The following AGBL4 variants were observed in gnomAD, a reference collection of about 807,000 sequenced individuals.
AGBL4 encodes AGBL carboxypeptidase 4, also known as cytosolic carboxypeptidase 6.
A neutral mutation model predicts 66.4 loss-of-function variants in AGBL4; 58 were observed. That is an observed-to-expected ratio of 0.87 (90% CI 0.71 to 1.09). The LOEUF is 1.09. AGBL4 is among the 50% of genes least tolerant of loss of function. The probability of loss-of-function intolerance (pLI) is 0.00; values close to 1 mark genes in which losing one functional copy is unlikely to be tolerated. For synonymous variants in AGBL4, 234 were observed against 222.9 expected, an observed-to-expected ratio of 1.05 and a Z score of -0.44; for missense variants, 579 against 631.0, an observed-to-expected ratio of 0.92 and a Z score of 0.88.
chr1:48,718,684 C>T (rs7521529), intron 6 of AGBL4, among the ~76,000 whole-genome samples: 140,489 of 152,240 alleles, frequency 0.92, 65,841 homozygotes, highest in Non-Finnish European at 1. Flanking sequence ...TGAGGTTTCC[C>T]AACCCTGATT....
At chr1:49,469,000 T>A (rs1438319266) in intron 3 of AGBL4, among the ~76,000 whole-genome samples, 1 of 151,818 alleles carries the variant, frequency 6.6e-6, no homozygotes. Context: ...ACTTAGGTTG[T>A]TTGTCATGGT....
At chr1:49,891,772 A>C (rs2148168379) in intron 1 of AGBL4, among the ~76,000 whole-genome samples, 1 of 152,278 alleles carries the variant, frequency 6.6e-6, no homozygotes, top group South Asian at 2.1e-4. Context: ...AGGAGTTAAC[A>C]ATGCAGACTC....
chr1:48,788,157 GT>G (rs1645453331), intron 6 of AGBL4, among the ~76,000 whole-genome samples: 1 of 152,200 alleles, frequency 6.6e-6, no homozygotes, highest in African/African-American at 2.4e-5. Flanking sequence ...TCCTTATAAG[GT>G]TTTCATGTCT....
chr1:49,632,815 T>C (rs1645596364), intron 3 of AGBL4, among the ~76,000 whole-genome samples: 1 of 126,756 alleles, frequency 7.9e-6, no homozygotes, highest in African/African-American at 3.2e-5. Flanking sequence ...TATTTGCTCA[T>C]CATTGGCCAC....
At chr1:49,051,252 C>A (rs1407349994) in intron 4 of AGBL4, among the ~76,000 whole-genome samples, 1 of 152,126 alleles carries the variant, frequency 6.6e-6, no homozygotes, top group Non-Finnish European at 1.5e-5. Flanking sequence ...AAGGGGATCA[C>A]AAAGTCACTC....
intron 1 of AGBL4, among the ~76,000 whole-genome samples, chr1:49,925,391 C>A (rs773188106): frequency 6.6e-6 from 1 of 152,142 alleles, no homozygotes; most frequent in Non-Finnish European, 1.5e-5. Flanking sequence ...TCAGCAACAA[C>A]CAGGTGGTAC....
At chr1:49,495,298 G>C (rs753586983) in intron 3 of AGBL4, among the ~76,000 whole-genome samples, 6 of 152,104 alleles carry the variant, frequency 3.9e-5, no homozygotes, top group Non-Finnish European at 8.8e-5. Flanking sequence ...GTGGCTCACA[G>C]TGGCCCTGAA....
intron 6 of AGBL4, among the ~76,000 whole-genome samples, chr1:48,747,452 T>G (rs1650946458): frequency 6.6e-6 from 1 of 152,230 alleles, no homozygotes; most frequent in South Asian, 2.1e-4. Context: ...TATCAAGATC[T>G]AGGCTCTGCA....
chr1:49,393,874 T>A (rs546898711), intron 3 of AGBL4, among the ~76,000 whole-genome samples: 1 of 152,306 alleles, frequency 6.6e-6, no homozygotes, highest in South Asian at 2.1e-4. Context: ...ACTTGATTAC[T>A]CACAACAAAA....
At chr1:49,790,087 C>T (rs1027687513) in intron 2 of AGBL4, among the ~76,000 whole-genome samples, 69 of 152,164 alleles carry the variant, frequency 4.5e-4, no homozygotes, top group Admixed American at 9.2e-4. Context: ...GGAAAGGATT[C>T]CCTATTTAAG....
At chr1:49,366,019 G>T (rs544032494) in intron 3 of AGBL4, among the ~76,000 whole-genome samples, 1 of 152,118 alleles carries the variant, frequency 6.6e-6, no homozygotes, top group Non-Finnish European at 1.5e-5. Flanking sequence ...AGATTTTAAG[G>T]ATTCAAGGTC....
intron 1 of AGBL4, among the ~76,000 whole-genome samples, chr1:49,971,403 G>C (rs1339219688): frequency 6.6e-6 from 1 of 152,026 alleles, no homozygotes; most frequent in Non-Finnish European, 1.5e-5. Context: ...ACTTAATAAT[G>C]GTTCCAAAGC....
intron 1 of AGBL4, among the ~76,000 whole-genome samples, chr1:49,934,746 AG>A (rs1395203469): frequency 6.6e-6 from 1 of 152,094 alleles, no homozygotes; most frequent in Non-Finnish European, 1.5e-5. Context: ...TCAAGAGACT[AG>A]AAAAAGAAGA....
At chr1:49,393,571 C>T (rs1644894306) in intron 3 of AGBL4, among the ~76,000 whole-genome samples, 1 of 152,098 alleles carries the variant, frequency 6.6e-6, no homozygotes, top group South Asian at 2.1e-4. Context: ...GAAAATACTG[C>T]TAAGGGCTAT....
At chr1:49,270,197 G>C (rs187969031) in intron 3 of AGBL4, among the ~76,000 whole-genome samples, 19 of 152,284 alleles carry the variant, frequency 1.2e-4, no homozygotes, top group Admixed American at 9.8e-4. Context: ...TCTTCTCCCA[G>C]AAATAGTTTT....
At chr1:49,433,019 G>C (rs1164950574) in intron 3 of AGBL4, among the ~76,000 whole-genome samples, 1 of 152,118 alleles carries the variant, frequency 6.6e-6, no homozygotes, top group Non-Finnish European at 1.5e-5. Flanking sequence ...AAAACCCAAA[G>C]GGACTTGGTT....
intron 5 of AGBL4, among the ~76,000 whole-genome samples, chr1:48,873,000 A>G (rs1648839843): frequency 6.6e-6 from 1 of 152,152 alleles, no homozygotes. Flanking sequence ...TGGGCTTCTC[A>G]CTATCTGGTA....
At chr1:49,878,493 G>A (rs916382846) in intron 1 of AGBL4, among the ~76,000 whole-genome samples, 1 of 152,028 alleles carries the variant, frequency 6.6e-6, no homozygotes, top group African/African-American at 2.4e-5. Context: ...TTAATTCTGA[G>A]TTCTACTTTG....
intron 4 of AGBL4, among the ~76,000 whole-genome samples, chr1:49,174,127 T>C (rs1646788608): frequency 1.3e-5 from 2 of 152,006 alleles, no homozygotes; most frequent in African/African-American, 2.4e-5. Context: ...GGAAGAGAAG[T>C]GGGGCCACAA....
Sources: gnomAD v4.1 joint callset for allele counts (sites outside exome capture counted in the v4.1 genomes callset) on GRCh38, gnomAD v4.1.1 for gene constraint, MANE v1.5 for transcripts, NCBI Gene and HGNC (gene_info 2026-07-23, HGNC 2026-07-21) for gene names.